Variants in NOS1AP observed in about 807,000 individuals in gnomAD.
The protein encoded by NOS1AP is carboxyl-terminal PDZ ligand of neuronal nitric oxide synthase protein.
In NOS1AP, 21 loss-of-function variants were observed where a neutral mutation model predicts 56.2. The observed-to-expected ratio is 0.37, with a 90% CI of 0.26 to 0.54. The LOEUF (loss-of-function observed/expected upper bound fraction) is 0.54. Ranked by LOEUF, NOS1AP falls within the 20% of genes least tolerant of loss-of-function variation. The pLI is 0.84. For synonymous variants in NOS1AP, 270 were observed against 274.6 expected (o/e 0.98, Z 0.17); for missense variants, 522 against 657.8 (o/e 0.79, Z 2.26).
At position 162,360,785 on chromosome 1, in the gene NOS1AP, G is replaced by A. The variant is rs771815302; in HGVS notation, c.939+3649G>A. 9.2e-5 allele frequency: 42 copies of A among 456,268 alleles called. No individual in the cohort carries two copies. The Middle Eastern group carries it at 1.0e-3, about 11-fold the overall frequency. 28.3% of individuals were successfully genotyped at this position (456,268 alleles called of 1,614,324 possible). ...CCTGCCATGTGCATGCTGAGACAGCGGCGCCTGCCTCTGCTTCTGTGTCCA... is the reference window on the plus strand; with the variant it reads ...CCTGCCATGTGCATGCTGAGACAGCAGCGCCTGCCTCTGCTTCTGTGTCCA... On this transcript the variant is annotated intron_variant, in intron 8 of 9. Coordinates refer to ENST00000361897, the MANE Select transcript of NOS1AP (RefSeq NM_014697.3).
intron 4 of NOS1AP, among the ~76,000 whole-genome samples, chr1:162,316,614 C>G (rs1656239798): frequency 1.3e-5 from 2 of 152,178 alleles, no homozygotes; most frequent in Admixed American, 1.3e-4. Context: ...TGCAGGCAGA[C>G]TGAGTCCCAA....
chr1:162,298,801 C>A (rs1655551675), intron 3 of NOS1AP, among the ~76,000 whole-genome samples: 1 of 152,040 alleles, frequency 6.6e-6, no homozygotes, highest in East Asian at 1.9e-4. Flanking sequence ...CGAGCAGCTA[C>A]AAAAACTTTT....
At chr1:162,350,209 G>T (rs1266115580) in intron 6 of NOS1AP, among the ~76,000 whole-genome samples, 1 of 152,152 alleles carries the variant, frequency 6.6e-6, no homozygotes, top group Non-Finnish European at 1.5e-5. Context: ...ACGTCAGCAG[G>T]CCCTCCGTTG....
chr1:162,081,627 G>A (rs1275681869), intron 1 of NOS1AP, among the ~76,000 whole-genome samples: 2 of 148,662 alleles, frequency 1.3e-5, no homozygotes, highest in Admixed American at 6.7e-5. Flanking sequence ...ACTCATTGCA[G>A]CCTTGACCTC....
At chr1:162,097,296 A>G (rs958786576) in intron 1 of NOS1AP, among the ~76,000 whole-genome samples, 2 of 152,144 alleles carry the variant, frequency 1.3e-5, no homozygotes, top group Non-Finnish European at 2.9e-5. Flanking sequence ...TTCTATCTAA[A>G]TGCTGGTCTC....
chr1:162,228,051 T>A (rs1253742277), intron 2 of NOS1AP, among the ~76,000 whole-genome samples: 1 of 152,180 alleles, frequency 6.6e-6, no homozygotes, highest in African/African-American at 2.4e-5. Context: ...AATATAGGAC[T>A]GAGGCAGGGA....
At chr1:162,228,843 A>G (rs192742560) in intron 2 of NOS1AP, among the ~76,000 whole-genome samples, 2 of 152,344 alleles carry the variant, frequency 1.3e-5, no homozygotes, top group Admixed American at 6.5e-5. Flanking sequence ...GGTAAAACCA[A>G]ATGATGGTAA....
At position 162,070,072 on chromosome 1, in the gene NOS1AP, C is replaced by G; in HGVS notation, c.-106C>G. 1 of 895,358 alleles carries G rather than the reference C, an allele frequency of 1.1e-6. No homozygotes were observed. Among genetic ancestry groups the G allele is most frequent in the Non-Finnish European group, 1.8e-6 (1 of 567,358 alleles). The allele number at this position is 895,358 out of a possible 1,614,324, so 55.5% of individuals were successfully genotyped here. ...CTCCCCCTGCCCAGCGCTCCCAGGC[C>G]CCGCCACGCGTCGCCGCGCCCAGCT... On this transcript the variant is annotated 5_prime_UTR_variant, in exon 1 of 10. Coordinates refer to ENST00000361897, the MANE Select transcript of NOS1AP (RefSeq NM_014697.3).
intron 1 of NOS1AP, among the ~76,000 whole-genome samples, chr1:162,078,195 C>G (rs1319655524): frequency 1.3e-5 from 2 of 152,194 alleles, no homozygotes; most frequent in Non-Finnish European, 2.9e-5. Flanking sequence ...TGCTGGCTCT[C>G]TACTTCAGTC....
At chr1:162,157,245 T>C (rs889835802) in intron 2 of NOS1AP, 2 of 153,374 alleles carry the variant, frequency 1.3e-5, no homozygotes, top group African/African-American at 4.8e-5. Context: ...CAGTGCTTAA[T>C]GAGCAGCTCA....
At chr1:162,186,499 G>A (rs4657161) in intron 2 of NOS1AP, among the ~76,000 whole-genome samples, 70,821 of 151,912 alleles carry the variant, frequency 0.47, 18,844 homozygotes, top group Non-Finnish European at 0.61. Context: ...CATCTTCTTC[G>A]GGTGGACTGA....
chr1:162,259,722 A>T (rs898969791), intron 2 of NOS1AP, among the ~76,000 whole-genome samples: 1 of 152,232 alleles, frequency 6.6e-6, no homozygotes, highest in Non-Finnish European at 1.5e-5. Context: ...AAGCATTAAA[A>T]CATTAACATG....
At chr1:162,349,655 T>C (rs1183629095) in intron 6 of NOS1AP, among the ~76,000 whole-genome samples, 3 of 152,210 alleles carry the variant, frequency 2.0e-5, no homozygotes, top group Non-Finnish European at 4.4e-5. Flanking sequence ...AAGTACCCAC[T>C]GTTTATCGAG....
At chr1:162,299,526 G>A (rs969054417) in intron 3 of NOS1AP, among the ~76,000 whole-genome samples, 5 of 152,184 alleles carry the variant, frequency 3.3e-5, no homozygotes, top group African/African-American at 1.2e-4. Context: ...AAAGAGATTA[G>A]TCTCCTTCTG....
At chr1:162,257,974 C>CT (rs908713761) in intron 2 of NOS1AP, among the ~76,000 whole-genome samples, 118 of 149,008 alleles carry the variant, frequency 7.9e-4, no homozygotes, top group African/African-American at 2.2e-3. Context: ...TATTGCTTTG[C>CT]TTTTTTTTTT....
Position 162,333,116 on chromosome 1 carries a change from C to A in NOS1AP, c.444C>A (p.Ser148=). The change falls in exon 5 of 10, where the codon TCC becomes TCA. Residue 148 remains serine (S), a synonymous_variant. Transcript: ENST00000361897. ...SNIFRCNVFK[S]KKKSQAMRIV... ...TCTTCAGGTGTAACGTCTTTAAATCCAAGAAGAAGGTAAAGAGGCGGTTGC... is the reference window on the plus strand; with the variant it reads ...TCTTCAGGTGTAACGTCTTTAAATCAAAGAAGAAGGTAAAGAGGCGGTTGC... 1 of 1,611,308 alleles carries A rather than the reference C, an allele frequency of 6.2e-7. No individual in the cohort carries two copies. Among genetic ancestry groups the A allele is most frequent in the Non-Finnish European group, 8.5e-7 (1 of 1,177,544 alleles).
intron 2 of NOS1AP, among the ~76,000 whole-genome samples, chr1:162,221,377 T>C (rs7537392): frequency 2.2e-4 from 33 of 152,202 alleles, no homozygotes; most frequent in African/African-American, 8.0e-4. Context: ...GTTTCTCCTT[T>C]TTAAATTACA....
At position 162,370,378 on chromosome 1, in the gene NOS1AP, A is replaced by G. The variant is rs1647362041; in HGVS notation, c.*2911A>G. 1 of 151,946 alleles carries G rather than the reference A, an allele frequency of 6.6e-6. No homozygotes were observed. Among genetic ancestry groups the G allele is most frequent in the Admixed American group, 6.6e-5 (1 of 15,250 alleles). 9.4% of individuals were successfully genotyped at this position (151,946 alleles called of 1,614,324 possible). A position where few individuals can be genotyped will look rare whatever the true frequency, so the allele number is the denominator to read the frequency against. ...TTGTGTCATTAACTCTGTTGGATCA[A>G]CTCTCTGGGAAAAGATTCTGTTAAT... is the stretch of plus-strand genomic sequence containing the variant. On this transcript the variant is annotated 3_prime_UTR_variant, in exon 10 of 10. Coordinates refer to ENST00000361897, the MANE Select transcript of NOS1AP (RefSeq NM_014697.3).
chr1:162,090,230 G>A (rs1692098971), intron 1 of NOS1AP, among the ~76,000 whole-genome samples: 1 of 149,730 alleles, frequency 6.7e-6, no homozygotes, highest in South Asian at 2.1e-4. Flanking sequence ...TATTAAATCT[G>A]TGGTTGACAT....
Sources: gnomAD v4.1 joint callset for allele counts (sites outside exome capture counted in the v4.1 genomes callset) on GRCh38, gnomAD v4.1.1 for gene constraint, MANE v1.5 for transcripts, NCBI Gene and HGNC (gene_info 2026-07-23, HGNC 2026-07-21) for gene names.